The following CAST variants were observed in gnomAD, a reference collection of about 807,000 sequenced individuals.
The protein encoded by CAST is calpastatin.
Under a neutral mutation model 119.6 loss-of-function variants are expected in CAST, and 76 were observed. The observed-to-expected ratio is 0.64, with a 90% CI of 0.53 to 0.77. The LOEUF (loss-of-function observed/expected upper bound fraction) is 0.77. Among genes scored for constraint, CAST ranks in the 30% least tolerant of loss-of-function variants. CAST has a pLI of 0.00. For synonymous variants in CAST, 319 were observed against 331.6 expected, an observed-to-expected ratio of 0.96 and a Z score of 0.41; for missense variants, 953 against 946.5, an observed-to-expected ratio of 1.01 and a Z score of -0.09.
chr5:96,315,071 T>A, the CAST span, among the ~76,000 whole-genome samples: 7 of 152,188 alleles, frequency 4.6e-5, no homozygotes, highest in African/African-American at 1.7e-4. Flanking sequence ...ATCAGTGTGA[T>A]TATAAACCAC....
At chr5:96,505,199 T>A in the CAST span, among the ~76,000 whole-genome samples, 1 of 152,212 alleles carries the variant, frequency 6.6e-6, no homozygotes, top group East Asian at 1.9e-4. Context: ...TGTTAAAAAA[T>A]AAAACCACGC....
chr5:96,764,202 A>C (rs997348580), intron 25 of CAST, among the ~76,000 whole-genome samples: 7 of 152,202 alleles, frequency 4.6e-5, no homozygotes, highest in African/African-American at 1.4e-4. Flanking sequence ...AATACTAATA[A>C]TAATTTACCA....
chr5:96,130,883 G>C, the CAST span, among the ~76,000 whole-genome samples: 3 of 152,006 alleles, frequency 2.0e-5, no homozygotes, highest in African/African-American at 7.2e-5. Context: ...AATATCCATT[G>C]CTTACAAGCA....
At chr5:96,634,139 T>C (rs1747857177) in intron 1 of CAST, among the ~76,000 whole-genome samples, 1 of 152,214 alleles carries the variant, frequency 6.6e-6, no homozygotes, top group Non-Finnish European at 1.5e-5. Context: ...TTACTAATCT[T>C]CTGTAAGTAT....
At chr5:96,409,767 G>A in the CAST span, among the ~76,000 whole-genome samples, 29 of 152,266 alleles carry the variant, frequency 1.9e-4, no homozygotes, top group East Asian at 4.6e-3. Flanking sequence ...AAAACCCCTC[G>A]GTAGAATGCC....
At chr5:96,704,088 G>A (rs139146252) in intron 3 of CAST, among the ~76,000 whole-genome samples, 2 of 152,186 alleles carry the variant, frequency 1.3e-5, no homozygotes, top group Non-Finnish European at 2.9e-5. Context: ...GACTGATGGA[G>A]AAGGAATAAG....
chr5:96,669,228 T>A (rs1049617983), intron 1 of CAST, among the ~76,000 whole-genome samples: 1 of 152,252 alleles, frequency 6.6e-6, no homozygotes, highest in African/African-American at 2.4e-5. Flanking sequence ...ATCTGCTTGT[T>A]TGCTGAATAA....
upstream of CAST, chr5:96,662,020 G>C (rs991982743): frequency 5.6e-6 from 1 of 179,854 alleles, no homozygotes; most frequent in Non-Finnish European, 1.1e-5. Context: ...GGGTCGAAGC[G>C]TAGACTGGCC....
At chr5:96,299,249 AAACAACAACAACAACAAC>A in the CAST span, among the ~76,000 whole-genome samples, 111 of 149,400 alleles carry the variant, frequency 7.4e-4, no homozygotes, top group Middle Eastern at 3.4e-3. Context: ...CTCAGTCTCA[AAACAACAACAACAACAAC>A]AACAACAACA....
chr5:96,541,778 A>G (rs1464264152), intron 1 of CAST, among the ~76,000 whole-genome samples: 1 of 152,130 alleles, frequency 6.6e-6, no homozygotes, highest in Non-Finnish European at 1.5e-5. Context: ...CTTTCTCGGC[A>G]TTGTTTTAGA....
chr5:96,638,902 C>T (rs1402355332), intron 1 of CAST, among the ~76,000 whole-genome samples: 1 of 152,180 alleles, frequency 6.6e-6, no homozygotes, highest in Non-Finnish European at 1.5e-5. Flanking sequence ...ATCTCCTTCT[C>T]TCTACCGCAG....
chr5:96,539,227 A>G (rs954013401), intron 1 of CAST, among the ~76,000 whole-genome samples: 1 of 152,216 alleles, frequency 6.6e-6, no homozygotes, highest in African/African-American at 2.4e-5. Context: ...CTTAAGAGTC[A>G]AAGTCTTGAA....
At chr5:96,310,453 T>A in the CAST span, among the ~76,000 whole-genome samples, 2 of 152,182 alleles carry the variant, frequency 1.3e-5, no homozygotes, top group Non-Finnish European at 2.9e-5. Context: ...CATAAATAGG[T>A]CTGAAAATAT....
the CAST span, among the ~76,000 whole-genome samples, chr5:96,385,126 C>A: frequency 3.3e-5 from 5 of 152,290 alleles, no homozygotes; most frequent in East Asian, 9.6e-4. Context: ...ATCTTAGCAT[C>A]CCTGGGGATG....
chr5:96,163,104 A>G, the CAST span, among the ~76,000 whole-genome samples: 1 of 152,054 alleles, frequency 6.6e-6, no homozygotes, highest in Non-Finnish European at 1.5e-5. Context: ...CTGCTTCTTG[A>G]GCCAGTTTTG....
the CAST span, among the ~76,000 whole-genome samples, chr5:96,109,023 A>T: frequency 0.016 from 2,404 of 152,324 alleles, 52 homozygotes; most frequent in African/African-American, 0.054. Context: ...TTGACTAGGA[A>T]AGGGAACTCC....
chr5:96,156,670 C>T, the CAST span, among the ~76,000 whole-genome samples: 1 of 152,186 alleles, frequency 6.6e-6, no homozygotes, highest in Non-Finnish European at 1.5e-5. Context: ...TAAAGTGTTT[C>T]AACTCACCCT....
At chr5:96,021,030 A>C in the CAST span, among the ~76,000 whole-genome samples, 3 of 152,172 alleles carry the variant, frequency 2.0e-5, no homozygotes, top group African/African-American at 7.2e-5. Flanking sequence ...AAAATATGTC[A>C]TTGAAATTTT....
At chr5:96,426,980 A>C in the CAST span, among the ~76,000 whole-genome samples, 1 of 152,318 alleles carries the variant, frequency 6.6e-6, no homozygotes, top group Admixed American at 6.5e-5. Flanking sequence ...TTTCAAGCTT[A>C]ATTGTTTTGG....
Sources: allele counts gnomAD v4.1 joint callset (sites outside exome capture counted in the v4.1 genomes callset), GRCh38; gene constraint gnomAD v4.1.1; transcripts MANE v1.5; gene names NCBI Gene and HGNC (gene_info 2026-07-23, HGNC 2026-07-21).